The following GPC4 variants were observed in gnomAD, a reference collection of about 807,000 sequenced individuals.
The protein encoded by GPC4 is glypican-4.
Under a neutral mutation model 35.0 loss-of-function variants are expected in GPC4, and 10 were observed. The ratio of observed to expected loss-of-function variants is 0.29; its 90% CI spans 0.18 to 0.48. The LOEUF is 0.48. Ranked by LOEUF, GPC4 falls within the 20% of genes least tolerant of loss-of-function variation. GPC4 has a pLI of 0.99. For missense variants in GPC4, 322 were observed against 451.3 expected (o/e 0.71, Z 2.60); for synonymous variants, 167 against 170.2 (o/e 0.98, Z 0.15).
chrX:133,349,652 G>A lies in GPC4; in HGVS notation c.161-10311C>T, dbSNP rs138789076. Among the ~76,000 whole-genome samples, 19 of 112,073 alleles carry A rather than the reference G, an allele frequency of 1.7e-4. 1 individual carries two copies. The East Asian group carries it at 5.4e-3, about 32-fold the overall frequency. ...TGTTGTTGTTGAGACACAGGGTCTC[G>A]CTTTGTCACCCAGGATGGAGCGCAG... is the stretch of plus-strand genomic sequence containing the variant. On this transcript the variant is annotated intron_variant, in intron 1 of 8. Coordinates refer to ENST00000370828, the MANE Select transcript of GPC4 (RefSeq NM_001448.3).
chrX:133,369,364 C>T (rs770139467), intron 1 of GPC4, among the ~76,000 whole-genome samples: 2 of 111,724 alleles, frequency 1.8e-5, no homozygotes, highest in Non-Finnish European at 3.8e-5. Context: ...GAACAATTGT[C>T]GCTCAAATGA....
intron 1 of GPC4, among the ~76,000 whole-genome samples, chrX:133,369,905 C>T (rs753882786): frequency 9.1e-6 from 1 of 109,402 alleles, no homozygotes; most frequent in Non-Finnish European, 1.9e-5. Flanking sequence ...AAATAATTAA[C>T]ACTCAACTTG....
chrX:133,354,556 A>ATTTTTT (rs1569348986), intron 1 of GPC4, among the ~76,000 whole-genome samples: 3 of 91,305 alleles, frequency 3.3e-5, no homozygotes, highest in African/African-American at 1.6e-4. Flanking sequence ...TTATTTATTT[A>ATTTTTT]TTTATTTATT....
intron 1 of GPC4, among the ~76,000 whole-genome samples, chrX:133,411,510 G>C (rs1408946600): frequency 9.0e-6 from 1 of 111,545 alleles, no homozygotes; most frequent in Non-Finnish European, 1.9e-5. Context: ...TATAGTATTA[G>C]AGTCCTAAAT....
At chrX:133,344,455 C>A (rs1199876305) in intron 1 of GPC4, among the ~76,000 whole-genome samples, 1 of 108,862 alleles carries the variant, frequency 9.2e-6, no homozygotes, top group African/African-American at 3.3e-5. Context: ...AAACTCCCAA[C>A]CTCAGGTAAT....
intron 2 of GPC4, among the ~76,000 whole-genome samples, chrX:133,325,065 T>C (rs754651849): frequency 2.3e-4 from 26 of 111,198 alleles, no homozygotes; most frequent in African/African-American, 6.9e-4. Flanking sequence ...GATCATGCAC[T>C]ATAGCTGCCT....
In GPC4 at chrX:133,324,227, T is replaced by C. The variant is rs1477590627; in HGVS notation, c.629A>G (p.Gln210Arg). ...FGDVPRKLKL[Q>R]VTRAFVAART... is the part of the protein sequence containing the mutation. The stretch of plus-strand genomic sequence containing the variant: ...GGCTGCTACAAAAGCACGAGTAACC[T>C]GGAGCTTCAATTTGCGAGGGACATC... Residue 210 changes from glutamine to arginine, a missense_variant, in exon 3 of 9, where the codon CAG (glutamine) becomes CGG (arginine). Coordinates refer to ENST00000370828, the MANE Select transcript of GPC4 (RefSeq NM_001448.3). 2.5e-6 allele frequency: 3 copies of C among 1,211,749 alleles called. No homozygotes were observed. Among genetic ancestry groups the C allele is most frequent in the Non-Finnish European group, 3.4e-6 (3 of 895,462 alleles).
intron 1 of GPC4, among the ~76,000 whole-genome samples, chrX:133,391,562 C>A (rs934061676): frequency 2.7e-5 from 3 of 112,244 alleles, no homozygotes; most frequent in Middle Eastern, 4.6e-3. Context: ...TAATTATTAA[C>A]AGGCTTTAAT....
At chrX:133,350,704 C>A (rs2068512755) in intron 1 of GPC4, among the ~76,000 whole-genome samples, 1 of 112,170 alleles carries the variant, frequency 8.9e-6, no homozygotes, top group African/African-American at 3.2e-5. Flanking sequence ...TCACAAAATT[C>A]TTGCTAAAAG....
chrX:133,304,949 T>C (rs896469505), intron 6 of GPC4, 88 bp from the exon 7 acceptor site: 46 of 910,820 alleles, frequency 5.1e-5, no homozygotes, highest in Non-Finnish European at 7.1e-5. Flanking sequence ...ATTTCCAAAG[T>C]ATCTCCAGAG....
intron 1 of GPC4, among the ~76,000 whole-genome samples, chrX:133,344,191 G>GTTTTTTTTTTTTT (rs747976050): frequency 5.1e-5 from 2 of 38,891 alleles, no homozygotes; most frequent in African/African-American, 7.7e-5. Flanking sequence ...TTTCTTTCTG[G>GTTTTTTTTTTTTT]TTTTTTTTTT....
intron 1 of GPC4, among the ~76,000 whole-genome samples, chrX:133,341,223 C>T (rs1408104229): frequency 1.8e-5 from 2 of 111,562 alleles, no homozygotes; most frequent in African/African-American, 6.5e-5. Context: ...CTCCTGGTTT[C>T]AGTGTTGAGG....
At chrX:133,329,416 T>C (rs1236080015) in intron 2 of GPC4, among the ~76,000 whole-genome samples, 1 of 111,843 alleles carries the variant, frequency 8.9e-6, no homozygotes, top group Non-Finnish European at 1.9e-5. Context: ...TGAGGGGACA[T>C]AAATGAAGCC....
intron 2 of GPC4, among the ~76,000 whole-genome samples, chrX:133,326,149 A>C (rs2068392558): frequency 9.0e-6 from 1 of 110,821 alleles, no homozygotes; most frequent in Non-Finnish European, 1.9e-5. Flanking sequence ...TGCATAGTAA[A>C]CAAATAGGCA....
Position 133,300,885 on chromosome X carries a change from G to T in GPC4, c.*1982C>A, listed in dbSNP as rs1265454699. 4 of 111,523 alleles carry T rather than the reference G, an allele frequency of 3.6e-5. No individual in the cohort carries two copies. The highest frequency in any genetic ancestry group is 5.6e-5 in the Non-Finnish European group (3 of 53,150). The allele number at this position is 111,523 out of a possible 1,213,427, so 9.2% of individuals were successfully genotyped here. A position where few individuals can be genotyped will look rare whatever the true frequency, so the allele number is the denominator to read the frequency against. ...AAAAAGGAAATTCCTCACAACTGAG[G>T]TAGTTACTAAGTATCAGCACATTTT... On this transcript the variant is annotated 3_prime_UTR_variant, in exon 9 of 9. Transcript: ENST00000370828.
chrX:133,330,857 C>G, intron 2 of GPC4, among the ~76,000 whole-genome samples: 1 of 110,945 alleles, frequency 9.0e-6, no homozygotes, highest in South Asian at 3.9e-4. Context: ...ATGGGAGAAT[C>G]GCTTAAGCCC....
At chrX:133,327,049 GAAC>G (rs1395366639) in intron 2 of GPC4, among the ~76,000 whole-genome samples, 2 of 112,711 alleles carry the variant, frequency 1.8e-5, no homozygotes, top group African/African-American at 3.2e-5. Context: ...CCATCATTGA[GAAC>G]AATATGCAAG....
rs1184765442 is a variant in GPC4, at chrX:133,312,968, T to C, written c.712-1545A>G. The stretch of plus-strand genomic sequence containing the variant: ...CTAGGTATAGCATTCTAGCAGCTAA[T>C]TAAAAGTTCCTGTCTCCTCTTTCTC... On this transcript the variant is annotated intron_variant, in intron 3 of 8. Transcript: ENST00000370828. Among the ~76,000 whole-genome samples, 4 of 111,785 alleles carry C rather than the reference T, an allele frequency of 3.6e-5. No homozygotes were observed. The East Asian group carries it at 1.1e-3, about 32-fold the overall frequency.
chrX:133,394,139 C>T (rs1334009124), intron 1 of GPC4, among the ~76,000 whole-genome samples: 1 of 109,924 alleles, frequency 9.1e-6, no homozygotes, highest in Non-Finnish European at 1.9e-5. Context: ...GGCATGGTAG[C>T]GGGTGCCTTT....
Sources: gnomAD v4.1 joint callset for allele counts (sites outside exome capture counted in the v4.1 genomes callset) on GRCh38, gnomAD v4.1.1 for gene constraint, MANE v1.5 for transcripts, NCBI Gene and HGNC (gene_info 2026-07-23, HGNC 2026-07-21) for gene names.